Variants in IPCEF1 observed in about 807,000 individuals in gnomAD.
IPCEF1 encodes interaction protein for cytohesin exchange factors 1, also known as interactor protein for cytohesin exchange factors 1.
In IPCEF1, 31 loss-of-function variants were observed where a neutral mutation model predicts 50.9. The observed-to-expected ratio is 0.61, with a 90% CI of 0.46 to 0.82. The LOEUF is 0.82. Ranked by LOEUF, IPCEF1 falls within the 40% of genes least tolerant of loss-of-function variation. The pLI is 0.00. For synonymous variants in IPCEF1, 181 were observed against 192.0 expected, an observed-to-expected ratio of 0.94 and a Z score of 0.47; for missense variants, 458 against 514.0, an observed-to-expected ratio of 0.89 and a Z score of 1.05.
chr6:154,292,157 G>GT (rs1320739119), intron 1 of IPCEF1, among the ~76,000 whole-genome samples: 1 of 152,158 alleles, frequency 6.6e-6, no homozygotes, highest in East Asian at 1.9e-4. Flanking sequence ...TTCAGGACAT[G>GT]TTTTTGTAGA....
intron 1 of IPCEF1, among the ~76,000 whole-genome samples, chr6:154,324,803 G>T (rs767710009): frequency 2.6e-5 from 4 of 152,070 alleles, no homozygotes; most frequent in Non-Finnish European, 2.9e-5. Context: ...GAGAGATTCT[G>T]TCTCGAAACA....
intron 10 of IPCEF1, among the ~76,000 whole-genome samples, chr6:154,174,287 G>A (rs1301447300): frequency 6.6e-6 from 1 of 152,084 alleles, no homozygotes; most frequent in East Asian, 1.9e-4. Flanking sequence ...AAACTAGCTA[G>A]CATCATAATG....
intron 1 of IPCEF1, among the ~76,000 whole-genome samples, chr6:154,355,769 G>A (rs182638223): frequency 5.3e-5 from 8 of 151,842 alleles, no homozygotes; most frequent in East Asian, 1.9e-4. Flanking sequence ...GATTACAAGC[G>A]TGAGCCACCG....
rs772809716 is a variant in IPCEF1 at position 154,160,047 on chromosome 6, G to A, written c.1105-7C>T. The stretch of plus-strand genomic sequence containing the variant: ...CCAGATCATGTTCTTTACACTGTGT[G>A]AGTAGAAAAAAAGGGGAAGGGGGTA... On this transcript the variant is annotated splice_region_variant and splice_polypyrimidine_tract_variant and intron_variant, in intron 11 of 11. Transcript: ENST00000367220. The A allele has an allele frequency of 8.8e-6, 14 of 1,598,514 alleles. No homozygotes were observed. The South Asian group carries it at 1.5e-4, about 17-fold the overall frequency.
intron 1 of IPCEF1, among the ~76,000 whole-genome samples, chr6:154,302,917 C>T (rs1233921291): frequency 6.6e-6 from 1 of 152,042 alleles, no homozygotes; most frequent in Non-Finnish European, 1.5e-5. Flanking sequence ...ATTTCTTATC[C>T]TTTCCCACCT....
At chr6:154,290,824 G>T (rs982239146) in intron 1 of IPCEF1, among the ~76,000 whole-genome samples, 8 of 151,368 alleles carry the variant, frequency 5.3e-5, no homozygotes, top group African/African-American at 1.9e-4. Flanking sequence ...TAAATACCAC[G>T]AAAGATGTGC....
intron 5 of IPCEF1, among the ~76,000 whole-genome samples, chr6:154,235,949 A>G (rs893243939): frequency 1.3e-5 from 2 of 152,194 alleles, no homozygotes; most frequent in Non-Finnish European, 2.9e-5. Flanking sequence ...TTCCAGTTCT[A>G]TGGTTGGGAA....
At chr6:154,239,551 G>A (rs1049502246) in intron 5 of IPCEF1, among the ~76,000 whole-genome samples, 3 of 152,074 alleles carry the variant, frequency 2.0e-5, no homozygotes, top group African/African-American at 7.2e-5. Flanking sequence ...GCGGTAAACC[G>A]GTCACCTACA....
chr6:154,181,496 T>A (rs901723989), intron 10 of IPCEF1, among the ~76,000 whole-genome samples: 5 of 152,246 alleles, frequency 3.3e-5, no homozygotes, highest in African/African-American at 4.8e-5. Context: ...ATAGCTATAC[T>A]ATGCTATGAA....
At chr6:154,281,184 CAAAAA>C (rs35597942) in intron 2 of IPCEF1, among the ~76,000 whole-genome samples, 1 of 59,158 alleles carries the variant, frequency 1.7e-5, no homozygotes, top group African/African-American at 4.3e-5. Context: ...TACTAAAATA[CAAAAA>C]AAAAAAAAAA....
rs1784223975 is a variant in IPCEF1, at chr6:154,356,801, A to G, written c.-191T>C. 2 of 152,240 alleles carry G rather than the reference A, an allele frequency of 1.3e-5. No homozygotes were observed. The highest frequency in any genetic ancestry group is 1.3e-4 in the Admixed American group (2 of 15,286). The allele number at this position is 152,240 out of a possible 1,614,324, so 9.4% of individuals were successfully genotyped here. ...GCTCTGGAAACTCAGTCAACCCAGA[A>G]CTAACATTCAAAGCTGATCAGAGAG... On this transcript the variant is annotated 5_prime_UTR_variant, in exon 1 of 12. Coordinates refer to ENST00000367220, the MANE Select transcript of IPCEF1 (RefSeq NM_001130700.2).
Position 154,199,940 on chromosome 6 carries a change from G to T in IPCEF1, c.638C>A (p.Ser213Tyr). 6.2e-7 allele frequency: 1 copy of T among 1,614,218 alleles called. No individual in the cohort carries two copies. The highest frequency in any genetic ancestry group is 8.5e-7 in the Non-Finnish European group (1 of 1,180,034). The change falls in exon 10 of 12, where the codon TCC becomes TAC. Residue 213 changes from serine to tyrosine, a missense_variant. Coordinates refer to ENST00000367220, the MANE Select transcript of IPCEF1 (RefSeq NM_001130700.2). ...NTVKTPSSFP[S>Y]SLSKERQSLP... ...GGATTGTCTCTCTTTAGATAAGGAG[G>T]AAGGAAAACTGCTGGGTGTCTTCAC...
At chr6:154,312,821 T>A (rs1783113300) in intron 1 of IPCEF1, among the ~76,000 whole-genome samples, 3 of 152,132 alleles carry the variant, frequency 2.0e-5, no homozygotes, top group Admixed American at 2.0e-4. Context: ...GAGCTTGATT[T>A]CGCTATGCAA....
In IPCEF1 at chr6:154,253,268, G is replaced by A. The variant is rs370224677; in HGVS notation, c.37-5780C>T. ...TCCCAGGCTGGTCTCGAAATCATAG[G>A]CCCAAGAGATTTATCTTCCTCAGCC... On this transcript the variant is annotated intron_variant, in intron 3 of 11. Coordinates refer to ENST00000367220, the MANE Select transcript of IPCEF1 (RefSeq NM_001130700.2). Among the ~76,000 whole-genome samples the A allele has an allele frequency of 5.3e-5, 8 of 152,042 alleles. No individual in the cohort carries two copies. In the East Asian group the frequency reaches 1.5e-3, roughly 29 times the overall value.
At chr6:154,336,459 C>G (rs1783789265) in intron 1 of IPCEF1, among the ~76,000 whole-genome samples, 1 of 151,982 alleles carries the variant, frequency 6.6e-6, no homozygotes, top group African/African-American at 2.4e-5. Context: ...CATGTGGAAG[C>G]TAAAAAAGTT....
At chr6:154,340,878 C>A in intron 1 of IPCEF1, among the ~76,000 whole-genome samples, 2 of 139,358 alleles carry the variant, frequency 1.4e-5, no homozygotes, top group African/African-American at 2.7e-5. Context: ...GAGCAAAACT[C>A]CGTCTCAAAA....
At chr6:154,272,450 T>G (rs1781922452) in intron 2 of IPCEF1, among the ~76,000 whole-genome samples, 1 of 152,210 alleles carries the variant, frequency 6.6e-6, no homozygotes, top group African/African-American at 2.4e-5. Context: ...TCAGTCATAT[T>G]TAAAACAGTT....
Position 154,232,969 on chromosome 6 carries a change from CT to C in IPCEF1, c.247-9727del, listed in dbSNP as rs780567029. On this transcript the variant is annotated intron_variant, in intron 5 of 11. Transcript: ENST00000367220. ...ATGTAAAATAAGCCTTTTTTCTTTT[CT>C]TTTTTTTTTTTTTTTGAGATGGAGT... Among the ~76,000 whole-genome samples the C allele has an allele frequency of 1.5e-3, 206 of 134,552 alleles. No homozygotes were observed. The Middle Eastern group carries it at 0.016, about 11-fold the overall frequency. The allele number at this position is 134,552 out of a possible 152,430, so 88.3% of individuals were successfully genotyped here.
At chr6:154,316,624 A>T (rs1031905959) in intron 1 of IPCEF1, among the ~76,000 whole-genome samples, 1 of 152,190 alleles carries the variant, frequency 6.6e-6, no homozygotes, top group Non-Finnish European at 1.5e-5. Context: ...GGTTAGGGGA[A>T]GAGGAGATGT....
Sources: gnomAD v4.1 joint callset for allele counts (sites outside exome capture counted in the v4.1 genomes callset) on GRCh38, gnomAD v4.1.1 for gene constraint, MANE v1.5 for transcripts, NCBI Gene and HGNC (gene_info 2026-07-23, HGNC 2026-07-21) for gene names.